The following CTH variants were observed in gnomAD, a reference collection of about 807,000 sequenced individuals.
CTH encodes the protein cystathionase (cystathionine gamma-lyase).
A neutral mutation model predicts 50.6 loss-of-function variants in CTH; 41 were observed. The ratio of observed to expected loss-of-function variants is 0.81; its 90% CI spans 0.63 to 1.05. The LOEUF (loss-of-function observed/expected upper bound fraction) is 1.05. Among genes scored for constraint, CTH ranks in the 50% least tolerant of loss-of-function variants. CTH has a pLI of 0.00. For synonymous variants in CTH, 156 were observed against 168.9 expected, an observed-to-expected ratio of 0.92 and a Z score of 0.59; for missense variants, 470 against 492.6, an observed-to-expected ratio of 0.95 and a Z score of 0.43.
Position 70,439,197 on chromosome 1 carries a change from A to G in CTH, c.*70A>G. The G allele has an allele frequency of 1.4e-6, 2 of 1,451,440 alleles. No homozygotes were observed. The highest frequency in any genetic ancestry group is 1.9e-6 in the Non-Finnish European group (2 of 1,033,608). 89.9% of individuals were successfully genotyped at this position (1,451,440 alleles called of 1,614,324 possible). On this transcript the variant is annotated 3_prime_UTR_variant, in exon 12 of 12. Transcript: ENST00000370938. ...TCTTCCTGAGTAATTAAATGGACCA[A>G]CAATGAGCCTTTGCAAAATTTTCAA...
intron 1 of CTH, among the ~76,000 whole-genome samples, chr1:70,413,471 G>A (rs1029833501): frequency 7.9e-5 from 12 of 151,470 alleles, no homozygotes; most frequent in African/African-American, 2.9e-4. Context: ...TCACCATGTT[G>A]GCCAGGCTGC....
chr1:70,417,883 T>A, intron 2 of CTH, 54 bp from the exon 3 acceptor site: 2 of 1,599,186 alleles, frequency 1.3e-6, no homozygotes, highest in Non-Finnish European at 1.7e-6. Flanking sequence ...TGGAGGTGTG[T>A]TGTAACCTAT....
chr1:70,411,451 G>A lies in CTH; in HGVS notation c.36G>A (p.Leu12=). Reference sequence around the variant, plus strand: ...AAGACGCCTCCTCACAAGGTTTCCTGCCACACTTCCAACATTTCGCCACGC... The same window carrying A: ...AAGACGCCTCCTCACAAGGTTTCCTACCACACTTCCAACATTTCGCCACGC... The part of the protein sequence containing the change: ...QEKDASSQGF[L]PHFQHFATQA... Residue 12 remains leucine, a synonymous_variant, in exon 1 of 12, where the codon CTG becomes CTA. Transcript: ENST00000370938. The A allele has an allele frequency of 1.9e-6, 3 of 1,614,122 alleles. No individual in the cohort carries two copies. Among genetic ancestry groups the A allele is most frequent in the Non-Finnish European group, 2.5e-6 (3 of 1,180,026 alleles).
intron 10 of CTH, 135 bp downstream of exon 10, chr1:70,435,312 T>C (rs764107321): frequency 2.4e-6 from 2 of 828,412 alleles, no homozygotes; most frequent in Non-Finnish European, 3.8e-6. Flanking sequence ...CAGAATGGAC[T>C]CTAACCCTGT....
intron 1 of CTH, among the ~76,000 whole-genome samples, chr1:70,413,906 T>C (rs1281950331): frequency 6.6e-6 from 1 of 150,618 alleles, no homozygotes; most frequent in African/African-American, 2.4e-5. Flanking sequence ...CATGCCCAGC[T>C]AATTTATTTA....
rs753537579 is a variant in CTH at position 70,438,862 on chromosome 1, GTGTGTGTC to G, written c.1191+39_1191+46del. 3.7e-6 allele frequency: 6 copies of G among 1,612,172 alleles called. No individual in the cohort carries two copies. The African/African-American group carries it at 8.0e-5, about 22-fold the overall frequency. On this transcript the variant is annotated intron_variant, in intron 11 of 11. Coordinates refer to ENST00000370938, the MANE Select transcript of CTH (RefSeq NM_001902.6). ...TTATTGTGTGTGTGTGTGTGTGTGT[GTGTGTGTC>G]TGCTTTATCTTGGGCATGGGGGGTC... is the stretch of plus-strand genomic sequence containing the variant.
At chr1:70,417,578 C>A (rs1011995579) in intron 2 of CTH, among the ~76,000 whole-genome samples, 3 of 152,194 alleles carry the variant, frequency 2.0e-5, no homozygotes, top group Non-Finnish European at 4.4e-5. Context: ...AGCCACCACG[C>A]CTGCCCTGAA....
At chr1:70,432,309 T>C in intron 8 of CTH, 74 bp downstream of exon 8, 2 of 1,562,540 alleles carry the variant, frequency 1.3e-6, no homozygotes, top group East Asian at 2.2e-5. Flanking sequence ...TTATGTAACA[T>C]TTATTTGTAA....
chr1:70,429,962 TAGAG>T (rs1023779172), intron 6 of CTH, 111 bp downstream of exon 6: 30 of 778,146 alleles, frequency 3.9e-5, no homozygotes, highest in African/African-American at 2.1e-4. Context: ...CTGTGACTCA[TAGAG>T]AGAGTAAAAA....
intron 7 of CTH, among the ~76,000 whole-genome samples, chr1:70,431,532 T>C (rs1173866907): frequency 6.6e-6 from 1 of 152,202 alleles, no homozygotes; most frequent in African/African-American, 2.4e-5. Flanking sequence ...AGGTAAAATA[T>C]AAACATGATT....
intron 3 of CTH, among the ~76,000 whole-genome samples, chr1:70,420,435 C>T (rs1422432899): frequency 6.6e-6 from 1 of 152,118 alleles, no homozygotes; most frequent in Non-Finnish European, 1.5e-5. Flanking sequence ...GTTAGATTCT[C>T]ATAAGGAGTG....
At chr1:70,425,684 G>A (rs1451609527) in intron 5 of CTH, among the ~76,000 whole-genome samples, 1 of 152,184 alleles carries the variant, frequency 6.6e-6, no homozygotes, top group Admixed American at 6.5e-5. Context: ...AAGGGGAGCA[G>A]GCACAACACA....
intron 3 of CTH, among the ~76,000 whole-genome samples, chr1:70,419,937 A>T (rs1684176552): frequency 6.6e-6 from 1 of 151,984 alleles, no homozygotes; most frequent in Non-Finnish European, 1.5e-5. Flanking sequence ...AAAAAGTTAA[A>T]TCACTAAGTC....
At chr1:70,431,941 T>A in intron 7 of CTH, 142 bp from the exon 8 acceptor site, 5 of 796,488 alleles carry the variant, frequency 6.3e-6, no homozygotes, top group Non-Finnish European at 1.1e-5. Context: ...GCTTCTGATT[T>A]GATATATTAT....
At chr1:70,436,235 C>A (rs1341968762) in intron 10 of CTH, among the ~76,000 whole-genome samples, 1 of 151,998 alleles carries the variant, frequency 6.6e-6, no homozygotes, top group Non-Finnish European at 1.5e-5. Context: ...TCGCTTGAAC[C>A]CAAGTGATGG....
chr1:70,412,876 G>A (rs186385086), intron 1 of CTH, among the ~76,000 whole-genome samples: 19 of 152,212 alleles, frequency 1.2e-4, no homozygotes, highest in Non-Finnish European at 2.4e-4. Context: ...ACAACAACCA[G>A]GTCAGAAGGC....
At chr1:70,434,160 A>G (rs1156481889) in intron 9 of CTH, among the ~76,000 whole-genome samples, 1 of 152,242 alleles carries the variant, frequency 6.6e-6, no homozygotes, top group African/African-American at 2.4e-5. Flanking sequence ...TCCACATACT[A>G]CAATCAGTTT....
At position 70,416,559 on chromosome 1, in the gene CTH, AT is replaced by A. The variant is rs34806645; in HGVS notation, c.250+543del. Among the ~76,000 whole-genome samples, 276 of 115,634 alleles carry A rather than the reference AT, an allele frequency of 2.4e-3. 2 individuals are homozygous for A. In the East Asian group the frequency reaches 0.026, roughly 11 times the overall value. The allele number at this position is 115,634 out of a possible 152,430, so 75.9% of individuals were successfully genotyped here. On this transcript the variant is annotated intron_variant, in intron 2 of 11. Coordinates refer to ENST00000370938, the MANE Select transcript of CTH (RefSeq NM_001902.6). ...AGGTGTGCACCACCACACCCTGCTA[AT>A]TTTTTTTTTTTTTTTTTTTTGAGAC...
chr1:70,425,281 A>T (rs957797975), intron 5 of CTH, among the ~76,000 whole-genome samples: 4 of 152,192 alleles, frequency 2.6e-5, no homozygotes, highest in African/African-American at 9.7e-5. Flanking sequence ...CTCTTATGTT[A>T]GTCTCTTTGG....
Sources: gnomAD v4.1 joint callset for allele counts (sites outside exome capture counted in the v4.1 genomes callset) on GRCh38, gnomAD v4.1.1 for gene constraint, MANE v1.5 for transcripts, NCBI Gene and HGNC (gene_info 2026-07-23, HGNC 2026-07-21) for gene names.